HIPK2: variants seen among roughly 807,000 people sequenced by gnomAD.
HIPK2 encodes the protein homeodomain interacting protein kinase 2, also known as homeodomain-interacting protein kinase 2.
In HIPK2, 27 loss-of-function variants were observed where a neutral mutation model predicts 113.7. The ratio of observed to expected loss-of-function variants is 0.24; its 90% CI spans 0.17 to 0.33. The LOEUF (loss-of-function observed/expected upper bound fraction) is 0.33. Ranked by LOEUF, HIPK2 falls within the 10% of genes least tolerant of loss-of-function variation. HIPK2 has a pLI of 1.00. For synonymous variants in HIPK2, 631 were observed against 642.2 expected (o/e 0.98, Z 0.26); for missense variants, 1,257 against 1,588.0 (o/e 0.79, Z 3.54).
intron 13 of HIPK2, among the ~76,000 whole-genome samples, chr7:139,576,449 C>T (rs945433142): frequency 6.6e-5 from 10 of 152,176 alleles, no homozygotes; most frequent in African/African-American, 2.4e-4. Flanking sequence ...CTTGGGGGAC[C>T]ACGCTCTGAG....
At chr7:139,745,467 G>A (rs1432424371) in intron 1 of HIPK2, among the ~76,000 whole-genome samples, 1 of 152,208 alleles carries the variant, frequency 6.6e-6, no homozygotes, top group East Asian at 1.9e-4. Flanking sequence ...GAAGGAAGCT[G>A]AAGCCGGATT....
chr7:139,599,866 G>C (rs1402294402), intron 11 of HIPK2, among the ~76,000 whole-genome samples: 1 of 152,098 alleles, frequency 6.6e-6, no homozygotes, highest in Non-Finnish European at 1.5e-5. Flanking sequence ...AGGTCTAACT[G>C]TGCACTCTGC....
At chr7:139,711,511 C>A (rs1288326663) in intron 2 of HIPK2, among the ~76,000 whole-genome samples, 1 of 151,994 alleles carries the variant, frequency 6.6e-6, no homozygotes, top group Non-Finnish European at 1.5e-5. Flanking sequence ...ATTTTTGGGT[C>A]CTGGTAACAG....
At chr7:139,647,907 TC>T (rs1256096638) in intron 2 of HIPK2, among the ~76,000 whole-genome samples, 7 of 152,266 alleles carry the variant, frequency 4.6e-5, no homozygotes, top group Non-Finnish European at 1.0e-4. Context: ...CAGGCCTGTC[TC>T]TGTAGTGTCA....
intron 2 of HIPK2, among the ~76,000 whole-genome samples, chr7:139,672,499 C>T (rs1048622784): frequency 2.0e-5 from 3 of 152,174 alleles, no homozygotes; most frequent in African/African-American, 7.2e-5. Flanking sequence ...GAGTTTCGCT[C>T]TTGTAGCTCC....
chr7:139,724,475 T>C (rs1471200333), intron 1 of HIPK2, among the ~76,000 whole-genome samples: 6 of 152,184 alleles, frequency 3.9e-5, no homozygotes, highest in Non-Finnish European at 8.8e-5. Flanking sequence ...GTTAAATATA[T>C]AGTATATTCC....
rs1244150958 is a variant in HIPK2 at position 139,683,245 on chromosome 7, G to A, written c.1103+32687C>T. On this transcript the variant is annotated intron_variant, in intron 2 of 14. Transcript: ENST00000406875. The surrounding 1 kb of genome is among the most constrained non-coding windows in gnomAD (Gnocchi z 4.2). The stretch of plus-strand genomic sequence containing the variant: ...ACACGAGGATAAAAATGCGAACAGA[G>A]ACTGCATTAGCTGCCTGTTAATGTG... Among the ~76,000 whole-genome samples, 3 of 152,170 alleles carry A rather than the reference G, an allele frequency of 2.0e-5. No individual in the cohort carries two copies. The highest frequency in any genetic ancestry group is 2.9e-5 in the Non-Finnish European group (2 of 68,030).
chr7:139,594,982 T>C (rs781227680), intron 12 of HIPK2, among the ~76,000 whole-genome samples: 1 of 152,216 alleles, frequency 6.6e-6, no homozygotes, highest in Non-Finnish European at 1.5e-5. Flanking sequence ...GGACATGCTC[T>C]GGCTTTGCGT....
At chr7:139,690,891 G>A (rs922903806) in intron 2 of HIPK2, among the ~76,000 whole-genome samples, 8 of 152,110 alleles carry the variant, frequency 5.3e-5, no homozygotes, top group African/African-American at 1.7e-4. Flanking sequence ...AAATTACCCA[G>A]TCTCAGGTAT....
chr7:139,726,185 A>G (rs1795569239), intron 1 of HIPK2, among the ~76,000 whole-genome samples: 1 of 152,220 alleles, frequency 6.6e-6, no homozygotes, highest in African/African-American at 2.4e-5. Flanking sequence ...TGCTTATCTG[A>G]TGCATAGGGG....
intron 1 of HIPK2, among the ~76,000 whole-genome samples, chr7:139,751,658 A>T (rs1796281861): frequency 6.6e-6 from 1 of 152,138 alleles, no homozygotes; most frequent in Admixed American, 6.5e-5. Context: ...TGGGCCAACC[A>T]TGCACACAAA....
At chr7:139,640,651 A>AT (rs927137530) in intron 2 of HIPK2, among the ~76,000 whole-genome samples, 42 of 149,888 alleles carry the variant, frequency 2.8e-4, no homozygotes, top group South Asian at 4.2e-4. Flanking sequence ...CCTCTTCCTT[A>AT]TTTTTTTTTT....
intron 1 of HIPK2, among the ~76,000 whole-genome samples, chr7:139,759,825 C>T (rs1228234524): frequency 6.6e-6 from 1 of 152,066 alleles, no homozygotes; most frequent in Non-Finnish European, 1.5e-5. Flanking sequence ...GCATAGGGCT[C>T]ATCTGCAAAA....
intron 6 of HIPK2, among the ~76,000 whole-genome samples, chr7:139,625,056 CCCT>C (rs1800378754): frequency 6.6e-6 from 1 of 152,170 alleles, no homozygotes; most frequent in Admixed American, 6.5e-5. Flanking sequence ...TGACAGGACT[CCCT>C]CAACTTTTCT....
intron 1 of HIPK2, among the ~76,000 whole-genome samples, chr7:139,724,004 C>CTTTTTTTT (rs769658116): frequency 7.3e-6 from 1 of 137,410 alleles, no homozygotes; most frequent in African/African-American, 2.6e-5. Flanking sequence ...TGCTACAGAT[C>CTTTTTTTT]TTTTTTTTTT....
intron 2 of HIPK2, among the ~76,000 whole-genome samples, chr7:139,676,804 C>T (rs1334503136): frequency 6.6e-6 from 1 of 151,916 alleles, no homozygotes; most frequent in African/African-American, 2.4e-5. Context: ...TTAATAGTGC[C>T]ATACATCTAA....
At chr7:139,722,799 T>C (rs183648205) in intron 1 of HIPK2, among the ~76,000 whole-genome samples, 1 of 151,960 alleles carries the variant, frequency 6.6e-6, no homozygotes, top group East Asian at 1.9e-4. Context: ...ATGTGATGGG[T>C]TTAAGCTTCT....
intron 9 of HIPK2, among the ~76,000 whole-genome samples, chr7:139,607,788 T>C (rs912205313): frequency 1.3e-5 from 2 of 152,010 alleles, no homozygotes; most frequent in East Asian, 3.8e-4. Flanking sequence ...GTGTGTGTTA[T>C]GGGGATGGCA....
intron 2 of HIPK2, among the ~76,000 whole-genome samples, chr7:139,706,942 C>T (rs1325704995): frequency 2.0e-5 from 3 of 152,188 alleles, no homozygotes; most frequent in Admixed American, 2.0e-4. Context: ...GCTTCAGAGC[C>T]ACCTCTGACC....
Sources: allele counts gnomAD v4.1 joint callset (sites outside exome capture counted in the v4.1 genomes callset), GRCh38; gene constraint gnomAD v4.1.1; non-coding constraint Gnocchi (gnomAD v3.1); transcripts MANE v1.5; gene names NCBI Gene and HGNC (gene_info 2026-07-23, HGNC 2026-07-21).